GPD1L: variants seen among roughly 807,000 people sequenced by gnomAD.
GPD1L encodes the protein glycerol-3-phosphate dehydrogenase 1 like.
Under a neutral mutation model 32.9 loss-of-function variants are expected in GPD1L, and 17 were observed. The ratio of observed to expected loss-of-function variants is 0.52; its 90% CI spans 0.35 to 0.78. GPD1L has a LOEUF of 0.78. Among genes scored for constraint, GPD1L ranks in the 30% least tolerant of loss-of-function variants. The probability of loss-of-function intolerance (pLI) is 0.01; values close to 1 mark genes in which losing one functional copy is unlikely to be tolerated. For missense variants in GPD1L, 361 were observed against 447.8 expected (o/e 0.81, Z 1.75); for synonymous variants, 187 against 165.9 (o/e 1.13, Z -0.98).
intron 1 of GPD1L, among the ~76,000 whole-genome samples, chr3:32,117,869 C>T (rs528829884): frequency 1.3e-5 from 2 of 152,098 alleles, no homozygotes; most frequent in Non-Finnish European, 2.9e-5. Context: ...TCTTTGATTC[C>T]GATCTGAATT....
At chr3:32,158,727 T>C in intron 5 of GPD1L, 149 bp from the exon 6 acceptor site, 1 of 1,507,550 alleles carries the variant, frequency 6.6e-7, no homozygotes, top group Non-Finnish European at 8.9e-7. Context: ...TTCACCCAGG[T>C]GTACAAGAGC....
chr3:32,140,300 A>C lies in GPD1L; in HGVS notation c.439A>C (p.Ser147Arg). ...IIREKMGIDISVLMGANIANE... is the reference protein window; with the variant it reads ...IIREKMGIDIRVLMGANIANE... ...CCGTGAGAAGATGGGTATTGACATC[A>C]GTGTGCTGATGGGAGCCAACATTGC... Residue 147 changes from serine to arginine, a missense_variant, in exon 4 of 8, where the codon AGT (serine) becomes CGT (arginine). By Grantham distance (110) the Ser-to-Arg change is moderately radical. Coordinates refer to ENST00000282541, the MANE Select transcript of GPD1L (RefSeq NM_015141.4). 1 of 1,614,144 alleles carries C rather than the reference A, an allele frequency of 6.2e-7. No homozygotes were observed. The highest frequency in any genetic ancestry group is 8.5e-7 in the Non-Finnish European group (1 of 1,179,974).
intron 5 of GPD1L, among the ~76,000 whole-genome samples, chr3:32,154,446 G>A (rs1442286100): frequency 3.9e-5 from 6 of 152,144 alleles, no homozygotes; most frequent in Admixed American, 6.5e-5. Flanking sequence ...TGGTTGCAGA[G>A]AGCTCCTGCT....
intron 5 of GPD1L, among the ~76,000 whole-genome samples, chr3:32,147,421 T>A (rs886822748): frequency 1.3e-5 from 2 of 152,214 alleles, no homozygotes; most frequent in African/African-American, 4.8e-5. Context: ...TATCTTTTTT[T>A]CCCCTCTTTT....
At chr3:32,128,378 G>A (rs1657061185) in intron 2 of GPD1L, 125 bp downstream of exon 2, 15 of 823,594 alleles carry the variant, frequency 1.8e-5, no homozygotes, top group Non-Finnish European at 3.1e-5. Flanking sequence ...CTACCAATTG[G>A]TTGGTTGGTT....
At chr3:32,142,949 C>G (rs900273306) in intron 4 of GPD1L, among the ~76,000 whole-genome samples, 5 of 151,858 alleles carry the variant, frequency 3.3e-5, no homozygotes, top group African/African-American at 1.2e-4. Context: ...AGGCTAAAGC[C>G]GAGGATCTTC....
At chr3:32,155,850 G>A (rs537486664) in intron 5 of GPD1L, among the ~76,000 whole-genome samples, 95 of 152,324 alleles carry the variant, frequency 6.2e-4, no homozygotes, top group African/African-American at 2.2e-3. Flanking sequence ...GAGAGGTGGA[G>A]TGGTTGGCCT....
chr3:32,142,199 A>T (rs1575116310), intron 4 of GPD1L, among the ~76,000 whole-genome samples: 1 of 151,876 alleles, frequency 6.6e-6, no homozygotes, highest in East Asian at 1.9e-4. Context: ...GCTCACTGCA[A>T]CCTCCAATTC....
rs372376596 is a variant in GPD1L, at chr3:32,162,442, G to A, written c.959+2768G>A. Among the ~76,000 whole-genome samples, 51 of 123,432 alleles carry A rather than the reference G, an allele frequency of 4.1e-4. 18 individuals carry two copies. The East Asian group carries it at 0.016, about 38-fold the overall frequency. 81.0% of individuals were successfully genotyped at this position (123,432 alleles called of 152,430 possible). ...CGCCCAGGCCGGACTGCGGACTGCA[G>A]TGGCGCAATCTCGGCTCACTGCAAG... On this transcript the variant is annotated intron_variant, in intron 7 of 7. Coordinates refer to ENST00000282541, the MANE Select transcript of GPD1L (RefSeq NM_015141.4).
At position 32,128,267 on chromosome 3, in the gene GPD1L, G is replaced by T; in HGVS notation, c.225+14G>T. 1.2e-6 allele frequency: 2 copies of T among 1,608,670 alleles called. No homozygotes were observed. The highest frequency in any genetic ancestry group is 2.2e-5 in the South Asian group (2 of 90,908). Reference sequence around the variant, plus strand: ...CCAGAAAATGTGGTAAGACTTTGGGGTGAAATGTACATTGGTTCATTCTGC... The same window carrying T: ...CCAGAAAATGTGGTAAGACTTTGGGTTGAAATGTACATTGGTTCATTCTGC... On this transcript the variant is annotated intron_variant, in intron 2 of 7. Transcript: ENST00000282541.
At position 32,167,729 on chromosome 3, in the gene GPD1L, G is replaced by C. The variant is rs1319963525; in HGVS notation, c.*1819G>C. Reference sequence around the variant, plus strand: ...AAGTTACTTTGTGAGATTTGGGCCTGTCCCTCAATGCCAGTTTAGGATTTC... The same window carrying C: ...AAGTTACTTTGTGAGATTTGGGCCTCTCCCTCAATGCCAGTTTAGGATTTC... On this transcript the variant is annotated 3_prime_UTR_variant, in exon 8 of 8. Coordinates refer to ENST00000282541, the MANE Select transcript of GPD1L (RefSeq NM_015141.4). The C allele has an allele frequency of 2.0e-5, 3 of 152,520 alleles. No individual in the cohort carries two copies. Among genetic ancestry groups the C allele is most frequent in the Non-Finnish European group, 2.9e-5 (2 of 68,026 alleles). 9.4% of individuals were successfully genotyped at this position (152,520 alleles called of 1,614,324 possible). A position where few individuals can be genotyped will look rare whatever the true frequency, so the allele number is the denominator to read the frequency against.
chr3:32,159,479 A>C, intron 6 of GPD1L, 89 bp from the exon 7 acceptor site: 1 of 772,512 alleles, frequency 1.3e-6, no homozygotes, highest in East Asian at 3.2e-5. Flanking sequence ...AAAAAAAAAA[A>C]AGAAAAAAAA....
chr3:32,164,790 T>C (rs1701122021), intron 7 of GPD1L, among the ~76,000 whole-genome samples: 3 of 152,212 alleles, frequency 2.0e-5, no homozygotes. Flanking sequence ...ATGTGATCTA[T>C]TAGTACTATT....
At chr3:32,123,836 AGATAGACAGAC>A (rs1459263067) in intron 1 of GPD1L, among the ~76,000 whole-genome samples, 2 of 132,096 alleles carry the variant, frequency 1.5e-5, no homozygotes, top group Non-Finnish European at 1.7e-5. Context: ...ATAGATAGAT[AGATAGACAGAC>A]AGATAAGACC....
intron 2 of GPD1L, among the ~76,000 whole-genome samples, chr3:32,134,503 T>G (rs770751120): frequency 6.6e-6 from 1 of 152,216 alleles, no homozygotes; most frequent in Non-Finnish European, 1.5e-5. Context: ...GTTTGTTTGC[T>G]TGTGACAGGG....
At chr3:32,126,418 C>A (rs982408089) in intron 1 of GPD1L, among the ~76,000 whole-genome samples, 7 of 151,946 alleles carry the variant, frequency 4.6e-5, no homozygotes, top group Admixed American at 6.6e-5. Context: ...TCTCATAGTC[C>A]CTCGTCAGTT....
At chr3:32,155,279 G>T (rs931389917) in intron 5 of GPD1L, among the ~76,000 whole-genome samples, 1 of 152,162 alleles carries the variant, frequency 6.6e-6, no homozygotes, top group South Asian at 2.1e-4. Flanking sequence ...CTGAGCCTCA[G>T]TTGTGCCAGT....
At position 32,164,188 on chromosome 3, in the gene GPD1L, T is replaced by C. The variant is rs563297936; in HGVS notation, c.960-1626T>C. Among the ~76,000 whole-genome samples the C allele has an allele frequency of 9.8e-5, 15 of 152,314 alleles. No homozygotes were observed. In the South Asian group the frequency reaches 3.1e-3, roughly 32 times the overall value. ...ACCTTGGGGAAAGGGAGAAGCAGGT[T>C]GGAAATGGCTTTGGATGGCCAGTCA... On this transcript the variant is annotated intron_variant, in intron 7 of 7. Transcript: ENST00000282541.
chr3:32,148,457 T>C (rs1240115255), intron 5 of GPD1L, among the ~76,000 whole-genome samples: 1 of 152,194 alleles, frequency 6.6e-6, no homozygotes, highest in Admixed American at 6.5e-5. Context: ...TTAATCATCC[T>C]CCCTGCAACT....
Sources: allele counts gnomAD v4.1 joint callset (sites outside exome capture counted in the v4.1 genomes callset), GRCh38; gene constraint gnomAD v4.1.1; transcripts MANE v1.5; gene names NCBI Gene and HGNC (gene_info 2026-07-23, HGNC 2026-07-21).